The following CMSS1 variants were observed in gnomAD, a reference collection of about 807,000 sequenced individuals.
CMSS1 encodes protein CMSS1.
In CMSS1, 33 loss-of-function variants were observed where a neutral mutation model predicts 43.5. That is an observed-to-expected ratio of 0.76 (90% CI 0.57 to 1.01). The LOEUF is 1.01. Ranked by LOEUF, CMSS1 falls within the 50% of genes least tolerant of loss-of-function variation. CMSS1 has a pLI of 0.00. For missense variants in CMSS1, 313 were observed against 326.4 expected (o/e 0.96, Z 0.32); for synonymous variants, 115 against 117.2 (o/e 0.98, Z 0.12).
intron 1 of CMSS1, among the ~76,000 whole-genome samples, chr3:99,986,494 GA>G (rs1344333155): frequency 6.6e-6 from 1 of 152,182 alleles, no homozygotes; most frequent in Non-Finnish European, 1.5e-5. Flanking sequence ...AGTTGATAGT[GA>G]AAGAAATAGA....
chr3:99,930,951 T>C, intron 1 of CMSS1: 1 of 1,613,734 alleles, frequency 6.2e-7, no homozygotes. Flanking sequence ...CCTTGGAAAC[T>C]GTGGCCTTTA....
At chr3:99,937,058 C>A (rs1428730888) in intron 1 of CMSS1, among the ~76,000 whole-genome samples, 2 of 152,152 alleles carry the variant, frequency 1.3e-5, no homozygotes, top group African/African-American at 4.8e-5. Flanking sequence ...CTGCCTCAGC[C>A]TCCCAAGTAG....
At position 99,817,955 on chromosome 3, in the gene CMSS1, T is replaced by TAA. The variant is rs777961451; in HGVS notation, c.-25_-24insAA. 2.5e-6 allele frequency: 4 copies of TAA among 1,613,356 alleles called. No individual in the cohort carries two copies. In the Admixed American group the frequency reaches 5.0e-5, roughly 20 times the overall value. On this transcript the variant is annotated 5_prime_UTR_variant, in exon 1 of 10. It introduces an in-frame stop codon into an upstream open reading frame of the 5' UTR. Coordinates refer to ENST00000421999, the MANE Select transcript of CMSS1 (RefSeq NM_032359.4). ...AGCTGGTCGCCTACCCGTGATGTTC[T>TAA]GCCCACGTCGAGACCTGAGCTGAAA...
intron 1 of CMSS1, among the ~76,000 whole-genome samples, chr3:100,056,671 C>T (rs565446527): frequency 6.6e-6 from 1 of 151,856 alleles, no homozygotes; most frequent in South Asian, 2.1e-4. Context: ...CTTTGGACTG[C>T]CACACAACCA....
At chr3:99,983,389 A>AATATATATATAT (rs397990626) in intron 1 of CMSS1, among the ~76,000 whole-genome samples, 1 of 40,794 alleles carries the variant, frequency 2.5e-5, no homozygotes, top group Non-Finnish European at 4.5e-5. Flanking sequence ...TAAATAAATA[A>AATATATATATAT]ATATATATAT....
At chr3:99,827,111 A>G (rs981640513) in intron 1 of CMSS1, among the ~76,000 whole-genome samples, 3 of 152,154 alleles carry the variant, frequency 2.0e-5, no homozygotes, top group African/African-American at 7.2e-5. Context: ...TTGTATTTGC[A>G]TTTTTATTAT....
chr3:100,173,289 A>G (rs1448761894), intron 8 of CMSS1, among the ~76,000 whole-genome samples: 1 of 152,190 alleles, frequency 6.6e-6, no homozygotes, highest in Non-Finnish European at 1.5e-5. Flanking sequence ...AAGGGAAACA[A>G]CACTTTCGAG....
intron 1 of CMSS1, among the ~76,000 whole-genome samples, chr3:100,133,628 T>C (rs1337553266): frequency 1.3e-5 from 2 of 152,222 alleles, no homozygotes; most frequent in Non-Finnish European, 2.9e-5. Context: ...GTTTATTTAC[T>C]CCATTAGACT....
intron 1 of CMSS1, among the ~76,000 whole-genome samples, chr3:99,968,277 G>A (rs917162327): frequency 6.6e-5 from 10 of 152,108 alleles, no homozygotes; most frequent in Non-Finnish European, 1.3e-4. Context: ...CAAAAAAATG[G>A]CAAACTACAG....
chr3:99,864,578 T>C (rs1423383844), intron 1 of CMSS1, among the ~76,000 whole-genome samples: 1 of 152,166 alleles, frequency 6.6e-6, no homozygotes, highest in African/African-American at 2.4e-5. Flanking sequence ...ACAAAAAATG[T>C]TGACCTCAGA....
chr3:99,961,347 G>T (rs1055552307), intron 1 of CMSS1, among the ~76,000 whole-genome samples: 3 of 152,082 alleles, frequency 2.0e-5, no homozygotes, highest in Non-Finnish European at 4.4e-5. Flanking sequence ...ACTCCATGGG[G>T]TGGCAAGCTT....
At chr3:99,849,891 C>T in intron 1 of CMSS1, 1 of 1,611,766 alleles carries the variant, frequency 6.2e-7, no homozygotes, top group Non-Finnish European at 8.5e-7. Flanking sequence ...CAATTGCTTC[C>T]AATGATTGAA....
At chr3:100,074,550 A>G (rs1311533701) in intron 1 of CMSS1, among the ~76,000 whole-genome samples, 1 of 152,112 alleles carries the variant, frequency 6.6e-6, no homozygotes, top group Non-Finnish European at 1.5e-5. Flanking sequence ...CAAAATTATA[A>G]TAAAATAAGC....
At chr3:100,016,341 C>T (rs754645777) in intron 1 of CMSS1, among the ~76,000 whole-genome samples, 26 of 152,140 alleles carry the variant, frequency 1.7e-4, no homozygotes, top group Non-Finnish European at 2.4e-4. Context: ...TACAGGCATG[C>T]GCACCACACA....
intron 1 of CMSS1, among the ~76,000 whole-genome samples, chr3:99,915,345 C>T (rs1249694075): frequency 6.6e-6 from 1 of 152,118 alleles, no homozygotes; most frequent in East Asian, 1.9e-4. Context: ...GTGGAAGGGG[C>T]TGTGTAACAA....
intron 1 of CMSS1, among the ~76,000 whole-genome samples, chr3:100,085,020 G>A (rs945142740): frequency 1.5e-4 from 23 of 152,142 alleles, no homozygotes; most frequent in Non-Finnish European, 2.8e-4. Flanking sequence ...GAATTGTGGC[G>A]CACTTTTAAA....
chr3:100,167,819 T>C lies in CMSS1; in HGVS notation c.497T>C (p.Val166Ala), dbSNP rs2067077459. The C allele has an allele frequency of 1.9e-6, 3 of 1,612,160 alleles. No homozygotes were observed. Among genetic ancestry groups the C allele is most frequent in the Non-Finnish European group, 2.5e-6 (3 of 1,179,080 alleles). Residue 166 changes from valine (V) to alanine (A), a missense_variant, in exon 6 of 10, where the codon GTC becomes GCC. By Grantham distance (64) the Val-to-Ala change is moderately conservative. Coordinates refer to ENST00000421999, the MANE Select transcript of CMSS1 (RefSeq NM_032359.4). ...ATGCTGATCATCTGCAGCTCGGCCG[T>C]CCGAGCCCTGGAGCTCATTAGGTTG... ...VLMLIICSSA[V>A]RALELIRSMT...
intron 1 of CMSS1, among the ~76,000 whole-genome samples, chr3:100,137,857 G>T (rs939260450): frequency 1.3e-5 from 2 of 152,014 alleles, no homozygotes; most frequent in African/African-American, 4.8e-5. Context: ...GAGCTACCAC[G>T]ACCAGCCAGC....
At chr3:100,111,088 C>G (rs1326358531) in intron 1 of CMSS1, among the ~76,000 whole-genome samples, 1 of 152,054 alleles carries the variant, frequency 6.6e-6, no homozygotes, top group Admixed American at 6.6e-5. Context: ...CTTCATCATT[C>G]CACCCAAAAA....
Sources: allele counts gnomAD v4.1 joint callset (sites outside exome capture counted in the v4.1 genomes callset), GRCh38; gene constraint gnomAD v4.1.1; transcripts MANE v1.5; gene names NCBI Gene and HGNC (gene_info 2026-07-23, HGNC 2026-07-21).